The following TMTC3 variants were observed in gnomAD, a reference collection of about 807,000 sequenced individuals.
TMTC3 encodes transmembrane O-mannosyltransferase targeting cadherins 3.
A neutral mutation model predicts 92.2 loss-of-function variants in TMTC3; 52 were observed. That is an observed-to-expected ratio of 0.56 (90% CI 0.45 to 0.71). The LOEUF is 0.71. TMTC3 is among the 30% of genes least tolerant of loss of function. TMTC3 has a pLI of 0.00. For synonymous variants in TMTC3, 339 were observed against 363.3 expected, an observed-to-expected ratio of 0.93 and a Z score of 0.76; for missense variants, 896 against 1,057.1, an observed-to-expected ratio of 0.85 and a Z score of 2.11.
intron 10 of TMTC3, 56 bp downstream of exon 10, chr12:88,176,375 ATCCT>A (rs1446075603): frequency 7.7e-7 from 1 of 1,293,504 alleles, no homozygotes; most frequent in Non-Finnish European, 1.1e-6. Context: ...AGTTTTGATT[ATCCT>A]TGGGGGAAAT....
chr12:88,145,144 A>G (rs1178762981), intron 1 of TMTC3, among the ~76,000 whole-genome samples: 1 of 152,194 alleles, frequency 6.6e-6, no homozygotes, highest in African/African-American at 2.4e-5. Flanking sequence ...ACTTACCAAG[A>G]AAAGTCATAG....
intron 1 of TMTC3, among the ~76,000 whole-genome samples, chr12:88,142,889 A>G (rs1008481552): frequency 6.6e-6 from 1 of 152,134 alleles, no homozygotes; most frequent in African/African-American, 2.4e-5. Flanking sequence ...AGGAGAGGTT[A>G]GTACTTGTCC....
chr12:88,173,098 T>C (rs2041223139), intron 8 of TMTC3: 2 of 1,269,864 alleles, frequency 1.6e-6, no homozygotes, highest in Admixed American at 5.1e-5. Flanking sequence ...AAGTGAGTCA[T>C]ATTGAGTTAA....
In TMTC3 at chr12:88,165,595, A is replaced by C. The variant is rs982193309; in HGVS notation, c.798-735A>C. The stretch of plus-strand genomic sequence containing the variant: ...AAATGAGAAAATGGGTCTTTTAAGT[A>C]CTATATATTATAACCAATATAATTT... On this transcript the variant is annotated intron_variant, in intron 6 of 13. Transcript: ENST00000266712. 2.6e-5 allele frequency among the ~76,000 whole-genome samples: 4 copies of C among 152,096 alleles called. No individual in the cohort carries two copies. In the South Asian group the frequency reaches 8.3e-4, roughly 31 times the overall value.
chr12:88,190,324 C>G, intron 11 of TMTC3, 129 bp from the exon 12 acceptor site: 1 of 746,792 alleles, frequency 1.3e-6, no homozygotes, highest in Non-Finnish European at 2.1e-6. Flanking sequence ...GAGTAGAACC[C>G]TGATCTCTCA....
rs140208788 is a variant in TMTC3 at position 88,193,296 on chromosome 12, C to T, written c.1933+466C>T. Among the ~76,000 whole-genome samples the T allele has an allele frequency of 6.3e-3, 958 of 151,994 alleles. 14 individuals carry two copies. Among genetic ancestry groups the T allele is most frequent in the African/African-American group, 0.019 (795 of 41,490 alleles). ...CACCATTTTATATCCAGTTTTACTA[C>T]GTTTTCTGAGATGTTGTAATTTTTT... On this transcript the variant is annotated intron_variant, in intron 13 of 13. Transcript: ENST00000266712.
chr12:88,192,507 A>G (rs760969521), intron 12 of TMTC3, 97 bp from the exon 13 acceptor site: 11 of 781,598 alleles, frequency 1.4e-5, no homozygotes, highest in Admixed American at 7.8e-5. Context: ...AGAGAAAAAA[A>G]AGCTGTATGT....
intron 1 of TMTC3, among the ~76,000 whole-genome samples, chr12:88,147,278 T>G (rs1424864798): frequency 1.3e-5 from 2 of 152,072 alleles, no homozygotes; most frequent in Non-Finnish European, 2.9e-5. Flanking sequence ...TTTTAAACTT[T>G]CCTGTGGTTA....
At chr12:88,192,118 G>T (rs2041451371) in intron 12 of TMTC3, among the ~76,000 whole-genome samples, 1 of 145,382 alleles carries the variant, frequency 6.9e-6, no homozygotes, top group Non-Finnish European at 1.5e-5. Context: ...TTAATATTTT[G>T]GTTTTTTGCA....
rs1393191677 is a variant in TMTC3 at position 88,194,838 on chromosome 12, G to A, written c.1934G>A (p.Gly645Asp). 47 of 1,510,766 alleles carry A rather than the reference G, an allele frequency of 3.1e-5. No homozygotes were observed. The highest frequency in any genetic ancestry group is 3.9e-5 in the Non-Finnish European group (44 of 1,131,806). 93.6% of individuals were successfully genotyped at this position (1,510,766 alleles called of 1,614,324 possible). The change falls in exon 14 of 14, where the codon GGT becomes GAT. Residue 645 changes from glycine (G) to aspartate (D), a missense_variant and splice_region_variant. Physicochemically the swap from Gly to Asp is moderately conservative, Grantham distance 94 (BLOSUM62 -1). Coordinates refer to ENST00000266712, the MANE Select transcript of TMTC3 (RefSeq NM_181783.4). ...FNSAIVMQES[G>D]EVKLRPEARK... is the part of the protein sequence containing the mutation. ...TTTTTTCTTTAAAAAAACTTTCTAG[G>A]TGAGGTTAAACTCAGACCTGAAGCT...
intron 4 of TMTC3, among the ~76,000 whole-genome samples, chr12:88,156,811 G>GGT (rs1555232088): frequency 2.2e-5 from 3 of 136,756 alleles, no homozygotes; most frequent in Non-Finnish European, 4.7e-5. Context: ...GTGTGTGTGT[G>GGT]TTTTTTTTTT....
chr12:88,180,847 AAACCAC>A (rs960143429), intron 10 of TMTC3, among the ~76,000 whole-genome samples: 1 of 152,210 alleles, frequency 6.6e-6, no homozygotes, highest in Non-Finnish European at 1.5e-5. Flanking sequence ...TCTTTCCATA[AAACCAC>A]AGGTTTTATG....
At chr12:88,164,189 CAAAAAAAAAAAAAAAA>C (rs1008391943) in intron 6 of TMTC3, among the ~76,000 whole-genome samples, 1 of 48,796 alleles carries the variant, frequency 2.0e-5, no homozygotes, top group Non-Finnish European at 4.4e-5. Context: ...GACTTTGTCT[CAAAAAAAAAAAAAAAA>C]AAAAAAGAAC....
chr12:88,154,612 A>G (rs1187269901), intron 4 of TMTC3, among the ~76,000 whole-genome samples: 1 of 152,196 alleles, frequency 6.6e-6, no homozygotes, highest in East Asian at 1.9e-4. Context: ...TAGATTTTAT[A>G]TGATCTAATT....
chr12:88,152,172 A>G (rs1263410484), intron 2 of TMTC3, among the ~76,000 whole-genome samples: 1 of 152,208 alleles, frequency 6.6e-6, no homozygotes, highest in African/African-American at 2.4e-5. Context: ...TATTTGGCAT[A>G]TGGATCTGCA....
intron 10 of TMTC3, among the ~76,000 whole-genome samples, chr12:88,181,068 C>G (rs760974779): frequency 9.9e-5 from 15 of 152,144 alleles, no homozygotes; most frequent in Non-Finnish European, 1.8e-4. Flanking sequence ...TAAGGGATAC[C>G]TGTGGAATGT....
chr12:88,145,547 T>C (rs752561807), intron 1 of TMTC3, among the ~76,000 whole-genome samples: 12 of 152,300 alleles, frequency 7.9e-5, no homozygotes, highest in East Asian at 7.7e-4. Context: ...AAATAAACAC[T>C]GAATCACAGA....
intron 10 of TMTC3, among the ~76,000 whole-genome samples, chr12:88,183,998 C>T (rs1012204953): frequency 5.3e-5 from 8 of 152,098 alleles, no homozygotes; most frequent in African/African-American, 1.4e-4. Context: ...AGGGTTCCAT[C>T]GCAATCCATT....
chr12:88,145,749 G>C (rs2040865413), intron 1 of TMTC3, among the ~76,000 whole-genome samples: 1 of 152,188 alleles, frequency 6.6e-6, no homozygotes, highest in Non-Finnish European at 1.5e-5. Context: ...GAGATAAGAT[G>C]AATGTCCTAA....
Sources: allele counts gnomAD v4.1 joint callset (sites outside exome capture counted in the v4.1 genomes callset), GRCh38; gene constraint gnomAD v4.1.1; transcripts MANE v1.5; gene names NCBI Gene and HGNC (gene_info 2026-07-23, HGNC 2026-07-21).